VAV2: variants seen among roughly 807,000 people sequenced by gnomAD.
VAV2 encodes the protein guanine nucleotide exchange factor VAV2.
Under a neutral mutation model 132.5 loss-of-function variants are expected in VAV2, and 67 were observed. That is an observed-to-expected ratio of 0.51 (90% confidence interval 0.42 to 0.62). The LOEUF is 0.62. Among genes scored for constraint, VAV2 ranks in the 20% least tolerant of loss-of-function variants. VAV2 has a pLI of 0.00. For synonymous variants in VAV2, 492 were observed against 443.5 expected, an observed-to-expected ratio of 1.11 and a Z score of -1.37; for missense variants, 938 against 1,153.6, an observed-to-expected ratio of 0.81 and a Z score of 2.71.
At chr9:133,888,905 G>A (rs767287567) in intron 2 of VAV2, among the ~76,000 whole-genome samples, 41 of 152,170 alleles carry the variant, frequency 2.7e-4, no homozygotes, top group Non-Finnish European at 5.3e-4. Context: ...ATTACAGGAC[G>A]CTGGGCCCTG....
intron 1 of VAV2, among the ~76,000 whole-genome samples, chr9:133,982,605 G>A (rs112347356): frequency 0.012 from 1,805 of 152,198 alleles, 34 homozygotes; most frequent in African/African-American, 0.04. Context: ...TCCGGCTGCC[G>A]CCTGGTTTTG....
chr9:133,784,202 T>C, intron 18 of VAV2, 115 bp downstream of exon 18: 1 of 1,187,718 alleles, frequency 8.4e-7, no homozygotes, highest in South Asian at 1.3e-5. Context: ...GTATACTCCC[T>C]TAACCCCTCA....
At chr9:133,874,559 G>C (rs1042646684) in intron 2 of VAV2, among the ~76,000 whole-genome samples, 5 of 152,192 alleles carry the variant, frequency 3.3e-5, no homozygotes, top group Admixed American at 6.5e-5. Context: ...GAATCCCACA[G>C]GAAGCTCAAG....
chr9:133,778,361 C>A (rs1222676841), intron 22 of VAV2, among the ~76,000 whole-genome samples: 1 of 152,098 alleles, frequency 6.6e-6, no homozygotes, highest in African/African-American at 2.4e-5. Context: ...CTGGCCTGAA[C>A]TGAGGTAGGG....
intron 2 of VAV2, among the ~76,000 whole-genome samples, chr9:133,896,880 A>G (rs28459087): frequency 0.04 from 6,110 of 152,060 alleles, 334 homozygotes; most frequent in African/African-American, 0.13. Context: ...GGATCACGAG[A>G]TCAGGAGATC....
At chr9:133,983,060 AGAAG>A (rs942187347) in intron 1 of VAV2, among the ~76,000 whole-genome samples, 2 of 152,208 alleles carry the variant, frequency 1.3e-5, no homozygotes, top group Non-Finnish European at 2.9e-5. Flanking sequence ...ACACCGGCAG[AGAAG>A]GAAGTGACTT....
chr9:133,850,718 C>G (rs1475124618), intron 3 of VAV2, among the ~76,000 whole-genome samples: 1 of 152,218 alleles, frequency 6.6e-6, no homozygotes. Context: ...CTGGAGACAC[C>G]TGCCAGGTCC....
intron 22 of VAV2, among the ~76,000 whole-genome samples, chr9:133,778,458 T>C (rs534945823): frequency 8.9e-4 from 135 of 152,120 alleles, no homozygotes; most frequent in African/African-American, 3.2e-3. Context: ...CAGAGGACAA[T>C]GGAGAAAGGC....
chr9:133,807,390 T>TGCCAGGGGAGGG, intron 7 of VAV2, 64 bp from the exon 8 acceptor site: 1 of 1,510,830 alleles, frequency 6.6e-7, no homozygotes, highest in Non-Finnish European at 8.9e-7. Flanking sequence ...AGGTCACAGC[T>TGCCAGGGGAGGG]GCCAGGGGAG....
chr9:133,913,150 C>G (rs551889180), intron 2 of VAV2, among the ~76,000 whole-genome samples: 7 of 152,360 alleles, frequency 4.6e-5, no homozygotes, highest in African/African-American at 1.7e-4. Context: ...GCCCCCAACA[C>G]CCACCTCTGG....
In VAV2 at chr9:133,949,496, C is replaced by T. The variant is rs540467211; in HGVS notation, c.205-10277G>A. 8.1e-4 allele frequency among the ~76,000 whole-genome samples: 123 copies of T among 152,340 alleles called. 1 individual carries two copies. Among genetic ancestry groups the T allele is most frequent in the Non-Finnish European group, 1.5e-3 (105 of 68,032 alleles). Reference sequence around the variant, plus strand: ...ACTGTTCCCTATCCCCACTTCCTGACCTTGTCTCTTTCAACCCAAGCCCAG... The same window carrying T: ...ACTGTTCCCTATCCCCACTTCCTGATCTTGTCTCTTTCAACCCAAGCCCAG... On this transcript the variant is annotated intron_variant, in intron 1 of 29. Coordinates refer to ENST00000371850, the MANE Select transcript of VAV2 (RefSeq NM_001134398.2).
chr9:133,873,325 T>C (rs1383833420), intron 2 of VAV2, among the ~76,000 whole-genome samples: 1 of 152,078 alleles, frequency 6.6e-6, no homozygotes, highest in Admixed American at 6.5e-5. Flanking sequence ...CACTCCTCTC[T>C]GGGCCTCGGT....
intron 2 of VAV2, among the ~76,000 whole-genome samples, chr9:133,924,080 G>GTA (rs1840387454): frequency 1.3e-5 from 2 of 152,132 alleles, no homozygotes; most frequent in African/African-American, 4.8e-5. Flanking sequence ...ACAGGCACAT[G>GTA]TATACCTATG....
intron 1 of VAV2, among the ~76,000 whole-genome samples, chr9:133,983,806 C>T (rs1842772282): frequency 1.3e-5 from 2 of 150,692 alleles, no homozygotes; most frequent in African/African-American, 2.4e-5. Context: ...CCCCACCCCA[C>T]CCCACGCTCC....
At chr9:133,859,560 T>G (rs1837515211) in intron 3 of VAV2, among the ~76,000 whole-genome samples, 1 of 152,158 alleles carries the variant, frequency 6.6e-6, no homozygotes, top group South Asian at 2.1e-4. Context: ...TAGTATTTTG[T>G]GCAGGAGCAA....
At chr9:133,947,448 C>G (rs1841400253) in intron 1 of VAV2, among the ~76,000 whole-genome samples, 2 of 152,154 alleles carry the variant, frequency 1.3e-5, no homozygotes, top group African/African-American at 4.8e-5. Context: ...GCCTATAATC[C>G]TGGCCCTTTG....
intron 2 of VAV2, among the ~76,000 whole-genome samples, chr9:133,924,303 C>T (rs1370575400): frequency 6.6e-6 from 1 of 152,136 alleles, no homozygotes; most frequent in African/African-American, 2.4e-5. Flanking sequence ...CTGCCTTAGC[C>T]TCCCGAGTAG....
Position 133,935,456 on chromosome 9 carries a change from C to T in VAV2, c.321+3647G>A, listed in dbSNP as rs1443659259. ...ACCAGCAGCCTCGGCAAGTCCCCTC[C>T]CTGCTCTGACCCTTCCTCCCCTCTG... is the stretch of plus-strand genomic sequence containing the variant. On this transcript the variant is annotated intron_variant, in intron 2 of 29. Transcript: ENST00000371850. This position sits in a 1 kb window ranked among gnomAD's most constrained non-coding sequence, Gnocchi z 5.2. Among the ~76,000 whole-genome samples, 1 of 152,164 alleles carries T rather than the reference C, an allele frequency of 6.6e-6. No homozygotes were observed. Among genetic ancestry groups the T allele is most frequent in the African/African-American group, 2.4e-5 (1 of 41,442 alleles).
At chr9:133,835,135 A>C (rs1489089805) in intron 3 of VAV2, among the ~76,000 whole-genome samples, 1 of 152,160 alleles carries the variant, frequency 6.6e-6, no homozygotes, top group East Asian at 1.9e-4. Context: ...TGTCATGCAT[A>C]TGTACATAAT....
Sources: gnomAD v4.1 joint callset for allele counts (sites outside exome capture counted in the v4.1 genomes callset) on GRCh38, gnomAD v4.1.1 for gene constraint, Gnocchi (gnomAD v3.1) non-coding constraint, MANE v1.5 for transcripts, NCBI Gene and HGNC (gene_info 2026-07-23, HGNC 2026-07-21) for gene names.